The following MAP2 variants were observed in gnomAD, a reference collection of about 807,000 sequenced individuals.
MAP2 encodes the protein microtubule-associated protein 2.
Under a neutral mutation model 137.6 loss-of-function variants are expected in MAP2, and 14 were observed. That is an observed-to-expected ratio of 0.10 (90% confidence interval 0.07 to 0.16). The LOEUF is 0.16. Ranked by LOEUF, MAP2 falls within the 10% of genes least tolerant of loss-of-function variation. The pLI is 1.00. For synonymous variants in MAP2, 786 were observed against 782.3 expected, an observed-to-expected ratio of 1.00 and a Z score of -0.08; for missense variants, 2,088 against 2,191.5, an observed-to-expected ratio of 0.95 and a Z score of 0.94.
At chr2:209,682,534 T>C (rs900831970) in intron 7 of MAP2, among the ~76,000 whole-genome samples, 3 of 151,650 alleles carry the variant, frequency 2.0e-5, no homozygotes, top group Non-Finnish European at 4.4e-5. Context: ...AGAACAGAAA[T>C]CCAATAAATA....
At chr2:209,657,653 A>C (rs972838779) in intron 5 of MAP2, among the ~76,000 whole-genome samples, 1 of 151,242 alleles carries the variant, frequency 6.6e-6, no homozygotes, top group Admixed American at 6.6e-5. Context: ...GAGTTGTTTG[A>C]ATTCCTTAGT....
At chr2:209,512,790 T>C (rs2061924355) in intron 2 of MAP2, among the ~76,000 whole-genome samples, 1 of 152,034 alleles carries the variant, frequency 6.6e-6, no homozygotes, top group Non-Finnish European at 1.5e-5. Context: ...TGTGGTAGCA[T>C]GCACCAGCAC....
intron 1 of MAP2, among the ~76,000 whole-genome samples, chr2:209,453,190 A>T (rs1182208871): frequency 6.6e-6 from 1 of 152,152 alleles, no homozygotes; most frequent in East Asian, 1.9e-4. Flanking sequence ...ATGACAAAAT[A>T]AGTGTAGCGA....
At chr2:209,719,794 A>C (rs1159658482) in intron 13 of MAP2, among the ~76,000 whole-genome samples, 1 of 152,212 alleles carries the variant, frequency 6.6e-6, no homozygotes, top group Admixed American at 6.5e-5. Context: ...ATTCTAATGA[A>C]TTTTTTAATG....
intron 3 of MAP2, among the ~76,000 whole-genome samples, chr2:209,605,342 G>A (rs1407473342): frequency 3.3e-5 from 5 of 152,014 alleles, no homozygotes. Context: ...GTCACAGAAG[G>A]AAACATTTAA....
rs1292093161 is a variant in MAP2 at position 209,424,269 on chromosome 2, G to C, written c.-229G>C. On this transcript the variant is annotated 5_prime_UTR_variant, in exon 1 of 16. Coordinates refer to ENST00000682079, the MANE Select transcript of MAP2 (RefSeq NM_001375505.1). ...GCGACCGCGGGTGCATCCAGTTTCT[G>C]CGCCCAGGTAAGAGACCGTCCCCAC... 1 of 152,358 alleles carries C rather than the reference G, an allele frequency of 6.6e-6. No individual in the cohort carries two copies. Among genetic ancestry groups the C allele is most frequent in the Non-Finnish European group, 1.5e-5 (1 of 68,300 alleles). The allele number at this position is 152,358 out of a possible 1,614,324, so 9.4% of individuals were successfully genotyped here. A position where few individuals can be genotyped will look rare whatever the true frequency, so the allele number is the denominator to read the frequency against.
chr2:209,528,779 T>C (rs560164479), intron 2 of MAP2, among the ~76,000 whole-genome samples: 2 of 147,908 alleles, frequency 1.4e-5, no homozygotes, highest in African/African-American at 2.6e-5. Flanking sequence ...TATATGTACA[T>C]ATGTATGTAT....
intron 3 of MAP2, among the ~76,000 whole-genome samples, chr2:209,590,387 G>A (rs1318975466): frequency 6.6e-6 from 1 of 152,102 alleles, no homozygotes; most frequent in Admixed American, 6.6e-5. Context: ...CCAGGCTGGA[G>A]TGCAATGGTG....
intron 4 of MAP2, among the ~76,000 whole-genome samples, chr2:209,651,726 A>G (rs6746029): frequency 0.22 from 32,734 of 152,018 alleles, 5,598 homozygotes; most frequent in African/African-American, 0.48. Context: ...AGCTGTTTTG[A>G]GAATCAGTTT....
At chr2:209,713,961 G>C (rs550606265) in intron 13 of MAP2, among the ~76,000 whole-genome samples, 324 of 152,148 alleles carry the variant, frequency 2.1e-3, no homozygotes, top group African/African-American at 7.4e-3. Flanking sequence ...GGCCAAGGCA[G>C]CGGGTGGATC....
chr2:209,720,667 A>C (rs2153801081), intron 13 of MAP2, among the ~76,000 whole-genome samples: 2 of 151,708 alleles, frequency 1.3e-5, no homozygotes, highest in East Asian at 3.9e-4. Context: ...AAAAACTTGA[A>C]ATAAATTGGC....
chr2:209,475,274 A>AT (rs772745113), intron 1 of MAP2, among the ~76,000 whole-genome samples: 4 of 152,172 alleles, frequency 2.6e-5, no homozygotes, highest in South Asian at 4.2e-4. Flanking sequence ...TACTTGTAAG[A>AT]TTTTGTCTTT....
At chr2:209,697,388 A>G (rs2060481384) in intron 10 of MAP2, among the ~76,000 whole-genome samples, 1 of 151,920 alleles carries the variant, frequency 6.6e-6, no homozygotes, top group South Asian at 2.1e-4. Flanking sequence ...CATTCTCATT[A>G]TTTTGCTTAT....
At chr2:209,514,644 A>T (rs1223767894) in intron 2 of MAP2, among the ~76,000 whole-genome samples, 1 of 152,110 alleles carries the variant, frequency 6.6e-6, no homozygotes, top group Non-Finnish European at 1.5e-5. Context: ...AGTTTGGAAG[A>T]TTTAAAAATA....
chr2:209,509,951 G>T (rs1385677012), intron 2 of MAP2, among the ~76,000 whole-genome samples: 1 of 150,934 alleles, frequency 6.6e-6, no homozygotes, highest in Non-Finnish European at 1.5e-5. Flanking sequence ...GTCTTGTAAT[G>T]AATAGCATCT....
chr2:209,653,585 A>G (rs1239135076), intron 5 of MAP2, among the ~76,000 whole-genome samples, 153 bp downstream of exon 5: 2 of 152,226 alleles, frequency 1.3e-5, no homozygotes, highest in Non-Finnish European at 2.9e-5. Flanking sequence ...GAGAAAAATC[A>G]TGGCAACTAA....
At chr2:209,460,819 G>T (rs995936639) in intron 1 of MAP2, among the ~76,000 whole-genome samples, 1 of 151,958 alleles carries the variant, frequency 6.6e-6, no homozygotes, top group East Asian at 1.9e-4. Context: ...CATAATCTTG[G>T]CTCACTGCAA....
At chr2:209,569,039 G>C (rs142909017) in intron 2 of MAP2, among the ~76,000 whole-genome samples, 69 of 151,668 alleles carry the variant, frequency 4.5e-4, no homozygotes, top group Middle Eastern at 3.4e-3. Flanking sequence ...TTCACAAGTA[G>C]ATAAGAAAAA....
At chr2:209,632,429 A>G (rs1475609712) in intron 4 of MAP2, among the ~76,000 whole-genome samples, 1 of 152,204 alleles carries the variant, frequency 6.6e-6, no homozygotes, top group East Asian at 1.9e-4. Flanking sequence ...CAAGGTTGTT[A>G]TTACAGAAAA....
Sources: gnomAD v4.1 joint callset for allele counts (sites outside exome capture counted in the v4.1 genomes callset) on GRCh38, gnomAD v4.1.1 for gene constraint, MANE v1.5 for transcripts, NCBI Gene and HGNC (gene_info 2026-07-23, HGNC 2026-07-21) for gene names.